TENM3: variants seen among roughly 807,000 people sequenced by gnomAD.
TENM3 encodes the protein teneurin-3.
In TENM3, 63 loss-of-function variants were observed where a neutral mutation model predicts 255.1. The observed-to-expected ratio is 0.25, with a 90% CI of 0.20 to 0.30. The LOEUF (loss-of-function observed/expected upper bound fraction) is 0.30, where lower values mean the gene tolerates loss of function less well. Among genes scored for constraint, TENM3 ranks in the 10% least tolerant of loss-of-function variants. The pLI is 1.00. For synonymous variants in TENM3, 1,306 were observed against 1,322.3 expected (o/e 0.99, Z 0.27); for missense variants, 2,929 against 3,461.1 (o/e 0.85, Z 3.86).
the TENM3 span, among the ~76,000 whole-genome samples, chr4:181,587,522 C>G: frequency 6.6e-6 from 1 of 152,154 alleles, no homozygotes; most frequent in Non-Finnish European, 1.5e-5. Flanking sequence ...AGCCTAAAAC[C>G]CACGTATGAT....
intron 3 of TENM3, among the ~76,000 whole-genome samples, chr4:182,511,238 TACTC>T (rs1323000673): frequency 2.6e-5 from 4 of 152,328 alleles, no homozygotes; most frequent in East Asian, 1.9e-4. Flanking sequence ...ACTATACTAA[TACTC>T]ATTTATGGAA....
the TENM3 span, among the ~76,000 whole-genome samples, chr4:182,107,317 T>G: frequency 6.6e-6 from 1 of 152,112 alleles, no homozygotes; most frequent in Non-Finnish European, 1.5e-5. Context: ...CATGCCTTAA[T>G]TGCACCGCAG....
chr4:182,142,629 C>G (rs73001408), upstream of TENM3: 1,517 of 167,396 alleles, frequency 9.1e-3, 25 homozygotes, highest in African/African-American at 0.034. Context: ...GAGGGTGGCG[C>G]GAGGCGGCTG....
the TENM3 span, among the ~76,000 whole-genome samples, chr4:181,993,148 T>C: frequency 6.6e-6 from 1 of 152,186 alleles, no homozygotes; most frequent in East Asian, 1.9e-4. Flanking sequence ...ATATCCCATA[T>C]GGGTACGATT....
chr4:182,002,789 C>T, the TENM3 span, among the ~76,000 whole-genome samples: 16 of 152,080 alleles, frequency 1.1e-4, no homozygotes, highest in Admixed American at 3.3e-4. Flanking sequence ...CTATAGACCA[C>T]CCATTCTTTC....
At chr4:182,322,603 G>C (rs1254029311) in intron 1 of TENM3, among the ~76,000 whole-genome samples, 3 of 152,178 alleles carry the variant, frequency 2.0e-5, no homozygotes, top group Admixed American at 6.5e-5. Flanking sequence ...GTTGACATGG[G>C]AGAGAGTCAG....
At chr4:181,652,620 C>T in the TENM3 span, among the ~76,000 whole-genome samples, 1 of 152,214 alleles carries the variant, frequency 6.6e-6, no homozygotes, top group Non-Finnish European at 1.5e-5. Flanking sequence ...CTTTCTCATG[C>T]ATCCTGACTG....
chr4:182,368,467 G>A (rs1766575693), intron 3 of TENM3, among the ~76,000 whole-genome samples: 1 of 152,142 alleles, frequency 6.6e-6, no homozygotes, highest in African/African-American at 2.4e-5. Flanking sequence ...TGCATCTTCA[G>A]GGTTCCCATG....
At chr4:181,846,082 C>T in the TENM3 span, among the ~76,000 whole-genome samples, 1 of 152,126 alleles carries the variant, frequency 6.6e-6, no homozygotes, top group African/African-American at 2.4e-5. Flanking sequence ...CATTTGAAGT[C>T]ATTTTCCTAC....
intron 1 of TENM3, among the ~76,000 whole-genome samples, chr4:182,201,637 C>T (rs956337065): frequency 5.4e-5 from 8 of 148,360 alleles, no homozygotes; most frequent in African/African-American, 1.3e-4. Flanking sequence ...GCAGGAGCAG[C>T]GGAAGGGGGT....
the TENM3 span, among the ~76,000 whole-genome samples, chr4:181,600,877 T>A: frequency 1.3e-5 from 2 of 152,204 alleles, no homozygotes; most frequent in African/African-American, 4.8e-5. Flanking sequence ...TAGTCTCAAT[T>A]TGGGTTCAGG....
chr4:181,888,588 A>ATGAGTGTGTGTGTG, the TENM3 span, among the ~76,000 whole-genome samples: 1 of 16,032 alleles, frequency 6.2e-5, no homozygotes, highest in Non-Finnish European at 1.1e-4. Context: ...ACATATATAT[A>ATGAGTGTGTGTGTG]TGCGTGTGTG....
the TENM3 span, among the ~76,000 whole-genome samples, chr4:181,681,609 C>G: frequency 6.6e-6 from 1 of 152,074 alleles, no homozygotes; most frequent in Non-Finnish European, 1.5e-5. Flanking sequence ...CTTCTTCACT[C>G]CACCAAAAAT....
intron 4 of TENM3, among the ~76,000 whole-genome samples, chr4:182,604,350 C>G (rs1416594773): frequency 2.6e-5 from 4 of 152,172 alleles, no homozygotes; most frequent in African/African-American, 7.2e-5. Context: ...CAATCGGTCC[C>G]TATGTATAAT....
the TENM3 span, among the ~76,000 whole-genome samples, chr4:182,098,367 T>C: frequency 6.6e-6 from 1 of 152,186 alleles, no homozygotes; most frequent in African/African-American, 2.4e-5. Context: ...CAGTATATCA[T>C]GGAGATATCT....
chr4:181,455,865 AT>A, the TENM3 span, among the ~76,000 whole-genome samples: 7 of 151,970 alleles, frequency 4.6e-5, no homozygotes, highest in African/African-American at 1.7e-4. Context: ...GAATGGGGGC[AT>A]TTCCAACAAT....
At chr4:182,235,773 T>C (rs1350698672) in intron 1 of TENM3, among the ~76,000 whole-genome samples, 2 of 152,192 alleles carry the variant, frequency 1.3e-5, no homozygotes, top group Non-Finnish European at 2.9e-5. Context: ...ACCCTGGCGT[T>C]AGGAAGGAGG....
chr4:181,822,641 G>A, the TENM3 span, among the ~76,000 whole-genome samples: 16 of 152,240 alleles, frequency 1.1e-4, no homozygotes, highest in Admixed American at 8.5e-4. Context: ...TGTAAGTTAG[G>A]AGATTCAGCT....
chr4:182,031,228 C>T, the TENM3 span, among the ~76,000 whole-genome samples: 1 of 151,940 alleles, frequency 6.6e-6, no homozygotes, highest in Admixed American at 6.6e-5. Context: ...GTTAATTTTT[C>T]TATAAGGTGT....
Sources: allele counts gnomAD v4.1 joint callset (sites outside exome capture counted in the v4.1 genomes callset), GRCh38; gene constraint gnomAD v4.1.1; transcripts MANE v1.5; gene names NCBI Gene and HGNC (gene_info 2026-07-23, HGNC 2026-07-21).